The following ARAP1 variants were observed in gnomAD, a reference collection of about 807,000 sequenced individuals.
ARAP1 encodes the protein arf-GAP with Rho-GAP domain, ANK repeat and PH domain-containing protein 1.
Under a neutral mutation model 172.2 loss-of-function variants are expected in ARAP1, and 76 were observed. That is an observed-to-expected ratio of 0.44 (90% CI 0.37 to 0.53). The LOEUF is 0.53. Among genes scored for constraint, ARAP1 ranks in the 20% least tolerant of loss-of-function variants. ARAP1 has a pLI of 0.00. For synonymous variants in ARAP1, 804 were observed against 803.3 expected (o/e 1.00, Z -0.01); for missense variants, 1,686 against 1,977.5 (o/e 0.85, Z 2.80).
At chr11:72,690,022 T>C (rs1375393433) in intron 30 of ARAP1, among the ~76,000 whole-genome samples, 1 of 152,086 alleles carries the variant, frequency 6.6e-6, no homozygotes, top group Non-Finnish European at 1.5e-5. Flanking sequence ...TAAAAGAGAT[T>C]CGGCTGCAGG....
intron 13 of ARAP1, chr11:72,705,357 G>A (rs56074276): frequency 0.083 from 13,384 of 161,354 alleles, 652 homozygotes; most frequent in South Asian, 0.15. Context: ...GAAGTGGGAT[G>A]GAAAGAGGCA....
intron 8 of ARAP1, 30 bp from the exon 9 acceptor site, chr11:72,711,171 G>A (rs1856996957): frequency 6.2e-7 from 1 of 1,613,204 alleles, no homozygotes; most frequent in Non-Finnish European, 8.5e-7. Flanking sequence ...TATATTTTGG[G>A]ACCCAGCACC....
chr11:72,742,761 T>C (rs2135591535), intron 1 of ARAP1, among the ~76,000 whole-genome samples: 1 of 152,300 alleles, frequency 6.6e-6, no homozygotes, highest in East Asian at 1.9e-4. Flanking sequence ...ATCTGTGTAA[T>C]GGAATTAGGA....
intron 1 of ARAP1, among the ~76,000 whole-genome samples, chr11:72,748,991 C>T (rs929875393): frequency 2.0e-5 from 3 of 152,180 alleles, no homozygotes; most frequent in Non-Finnish European, 2.9e-5. Context: ...GCACAGAACT[C>T]CTTTCTAAAA....
rs753493372 is a variant in ARAP1 at position 72,712,577 on chromosome 11, G to A, written c.748-9C>T. The A allele has an allele frequency of 2.1e-5, 34 of 1,611,268 alleles. No homozygotes were observed. Among genetic ancestry groups the A allele is most frequent in the Middle Eastern group, 1.7e-4 (1 of 6,056 alleles). On this transcript the variant is annotated splice_polypyrimidine_tract_variant and intron_variant, in intron 5 of 34. Coordinates refer to ENST00000393609, the MANE Select transcript of ARAP1 (RefSeq NM_001040118.3). ...CTCGGTGGGGGCTCCTCCTGCCCCCGAGACCCACTCAGCGTCATCCTTCCC... is the reference window on the plus strand; with the variant it reads ...CTCGGTGGGGGCTCCTCCTGCCCCCAAGACCCACTCAGCGTCATCCTTCCC...
rs575849385 is a variant in ARAP1, at chr11:72,686,131, G to A, written c.4246C>T (p.Arg1416Trp). The A allele has an allele frequency of 6.8e-6, 11 of 1,613,970 alleles. No homozygotes were observed. Among genetic ancestry groups the A allele is most frequent in the South Asian group, 5.5e-5 (5 of 91,082 alleles). Residue 1416 changes from arginine to tryptophan, a missense_variant, in exon 34 of 35, where the codon CGG becomes TGG. This residue lies in a region of ARAP1 where 379 missense variants were observed against 500.1 expected (regional missense o/e 0.76). Coordinates refer to ENST00000393609, the MANE Select transcript of ARAP1 (RefSeq NM_001040118.3). Reference sequence around the variant, plus strand: ...GGGATCAGTGACACACTACCCAGCCGGACCTCAGGCACTGCCCGGGACACG... The same window carrying A: ...GGGATCAGTGACACACTACCCAGCCAGACCTCAGGCACTGCCCGGGACACG... Reference protein sequence around the residue: ...SRVSRAVPEVRLGSVSLIPLR... With the variant: ...SRVSRAVPEVWLGSVSLIPLR...
intron 1 of ARAP1, among the ~76,000 whole-genome samples, chr11:72,746,823 C>T (rs889737438): frequency 6.6e-6 from 1 of 152,228 alleles, no homozygotes; most frequent in Non-Finnish European, 1.5e-5. Flanking sequence ...GATAAATGCC[C>T]AGCCAAAGGT....
In ARAP1 at chr11:72,741,412, G is replaced by A. The variant is rs1463464896; in HGVS notation, c.-127-8815C>T. Among the ~76,000 whole-genome samples the A allele has an allele frequency of 6.6e-6, 1 of 152,130 alleles. No individual in the cohort carries two copies. The highest frequency in any genetic ancestry group is 1.5e-5 in the Non-Finnish European group (1 of 68,028). ...CCCACTTAGAAAGGTGACTCAACCA[G>A]CCCCACACCTACAGAGACCTGGGGC... On this transcript the variant is annotated intron_variant, in intron 1 of 34. Coordinates refer to ENST00000393609, the MANE Select transcript of ARAP1 (RefSeq NM_001040118.3). This position sits in a 1 kb window ranked among gnomAD's most constrained non-coding sequence, Gnocchi z 4.5.
Position 72,707,358 on chromosome 11 carries a change from C to T in ARAP1, c.1540G>A (p.Glu514Lys). 6.2e-6 allele frequency: 10 copies of T among 1,612,598 alleles called. No homozygotes were observed. The highest frequency in any genetic ancestry group is 8.5e-6 in the Non-Finnish European group (10 of 1,179,318). ...YRIFSFSADS[E>K]LEKEQWLEAM... ...TCCAACCACTGCTCCTTCTCTAGCT[C>T]TGAGTCAGCAGAGAAGCTGGGGACA... The change falls in exon 12 of 35, where the codon GAG becomes AAG. Residue 514 changes from glutamate to lysine, a missense_variant. By Grantham distance (56) the Glu-to-Lys change is moderately conservative. Coordinates refer to ENST00000393609, the MANE Select transcript of ARAP1 (RefSeq NM_001040118.3).
In ARAP1 at chr11:72,710,810, G is replaced by A. The variant is rs1315253143; in HGVS notation, c.1213+211C>T. ...CCCTCCAAGCCTGCTCCCGCTGATT[G>A]TGTGGTTCTGAGGAGTCAGTGACCG... is the stretch of plus-strand genomic sequence containing the variant. On this transcript the variant is annotated intron_variant, in intron 9 of 34. Transcript: ENST00000393609. The surrounding 1 kb of genome is among the most constrained non-coding windows in gnomAD (Gnocchi z 4.3). Among the ~76,000 whole-genome samples, 1 of 152,202 alleles carries A rather than the reference G, an allele frequency of 6.6e-6. No homozygotes were observed. The highest frequency in any genetic ancestry group is 1.5e-5 in the Non-Finnish European group (1 of 68,034).
chr11:72,715,573 T>TTC (rs1857237146), intron 3 of ARAP1, among the ~76,000 whole-genome samples: 2 of 150,136 alleles, frequency 1.3e-5, no homozygotes, highest in South Asian at 4.2e-4. Context: ...TTAACTTCTT[T>TTC]TTTTTTTTTT....
At chr11:72,742,055 G>A (rs1170903161) in intron 1 of ARAP1, among the ~76,000 whole-genome samples, 2 of 152,140 alleles carry the variant, frequency 1.3e-5, no homozygotes, top group Non-Finnish European at 2.9e-5. Flanking sequence ...GCTGGAGAGG[G>A]TGACCACATG....
Position 72,710,281 on chromosome 11 carries a change from T to TGCA in ARAP1, c.1416+101_1416+103dup. 1 of 1,402,494 alleles carries TGCA rather than the reference T, an allele frequency of 7.1e-7. No individual in the cohort carries two copies. Among genetic ancestry groups the TGCA allele is most frequent in the Non-Finnish European group, 1.0e-6 (1 of 1,004,734 alleles). The allele number at this position is 1,402,494 out of a possible 1,614,324, so 86.9% of individuals were successfully genotyped here. ...TATCCAGGCAAAGGGCTGGGCCCAGTGCAGGAAAAGAGGGAACAGAAAAGG... is the reference window on the plus strand; with the variant it reads ...TATCCAGGCAAAGGGCTGGGCCCAGTGCAGCAGGAAAAGAGGGAACAGAAAAGG... On this transcript the variant is annotated intron_variant, in intron 10 of 34. Coordinates refer to ENST00000393609, the MANE Select transcript of ARAP1 (RefSeq NM_001040118.3). This position sits in a 1 kb window ranked among gnomAD's most constrained non-coding sequence, Gnocchi z 4.3.
At chr11:72,704,374 G>A in intron 13 of ARAP1, 40 bp from the exon 14 acceptor site, 1 of 1,509,142 alleles carries the variant, frequency 6.6e-7, no homozygotes, top group Non-Finnish European at 8.8e-7. Flanking sequence ...CCAGCTGACA[G>A]CCAGGGGCCG....
chr11:72,694,965 C>A lies in ARAP1; in HGVS notation c.3694+15G>T. 1 of 1,610,136 alleles carries A rather than the reference C, an allele frequency of 6.2e-7. No homozygotes were observed. The highest frequency in any genetic ancestry group is 8.5e-7 in the Non-Finnish European group (1 of 1,176,864). On this transcript the variant is annotated intron_variant, in intron 27 of 34. Transcript: ENST00000393609. ...CAAGCCATACCACACCCTGCACAAG[C>A]CCAGCGTCACCCACCTGCCTCCTCC... is the stretch of plus-strand genomic sequence containing the variant.
chr11:72,717,850 G>GA (rs1377516133), intron 3 of ARAP1, among the ~76,000 whole-genome samples: 1 of 152,194 alleles, frequency 6.6e-6, no homozygotes, highest in Non-Finnish European at 1.5e-5. Context: ...CCACAGCTGG[G>GA]ATGTGAACCC....
chr11:72,688,164 T>C (rs1402831644), intron 31 of ARAP1, among the ~76,000 whole-genome samples: 1 of 152,124 alleles, frequency 6.6e-6, no homozygotes, highest in African/African-American at 2.4e-5. Flanking sequence ...TTGTATTTTT[T>C]TGTAGAGACA....
In ARAP1 at chr11:72,741,303, G is replaced by T. The variant is rs1421599619; in HGVS notation, c.-127-8706C>A. Among the ~76,000 whole-genome samples, 1 of 152,056 alleles carries T rather than the reference G, an allele frequency of 6.6e-6. No homozygotes were observed. The highest frequency in any genetic ancestry group is 2.4e-5 in the African/African-American group (1 of 41,384). ...CCGGGCTCATCTAATACATGGCATA[G>T]CTCCTGACCCCAACCCTCCACAGCC... On this transcript the variant is annotated intron_variant, in intron 1 of 34. Transcript: ENST00000393609. This position sits in a 1 kb window ranked among gnomAD's most constrained non-coding sequence, Gnocchi z 4.5.
intron 7 of ARAP1, 146 bp from the exon 8 acceptor site, chr11:72,711,645 T>C: frequency 1.6e-6 from 1 of 625,800 alleles, no homozygotes; most frequent in South Asian, 1.8e-5. Context: ...GGCAAGAAGA[T>C]GGACTTTACA....
Sources: gnomAD v4.1 joint callset for allele counts (sites outside exome capture counted in the v4.1 genomes callset) on GRCh38, gnomAD v4.1.1 for gene constraint, gnomAD v4.1.1 regional missense constraint, Gnocchi (gnomAD v3.1) non-coding constraint, MANE v1.5 for transcripts, NCBI Gene and HGNC (gene_info 2026-07-23, HGNC 2026-07-21) for gene names.